Variants in PSKH2 observed in about 807,000 individuals in gnomAD.
PSKH2 encodes the protein serine/threonine-protein kinase H2.
A neutral mutation model predicts 22.5 loss-of-function variants in PSKH2; 16 were observed. The ratio of observed to expected loss-of-function variants is 0.71; its 90% CI spans 0.48 to 1.08. The LOEUF (loss-of-function observed/expected upper bound fraction) is 1.08, where lower values mean the gene tolerates loss of function less well. Ranked by LOEUF, PSKH2 falls within the 50% of genes least tolerant of loss-of-function variation. The pLI is 0.00. For missense variants in PSKH2, 516 were observed against 492.8 expected, an observed-to-expected ratio of 1.05 and a Z score of -0.44; for synonymous variants, 188 against 184.8, an observed-to-expected ratio of 1.02 and a Z score of -0.14.
chr8:86,069,101 G>T (rs1379486660), intron 1 of PSKH2, among the ~76,000 whole-genome samples: 1 of 152,154 alleles, frequency 6.6e-6, no homozygotes. Context: ...AAGAATGGGA[G>T]AAGCTTAGGG....
At chr8:86,067,482 T>G (rs911214317) in intron 1 of PSKH2, among the ~76,000 whole-genome samples, 1 of 150,736 alleles carries the variant, frequency 6.6e-6, no homozygotes, top group Non-Finnish European at 1.5e-5. Context: ...CTGGGAAGAA[T>G]GCCTTTATAA....
In PSKH2 at chr8:86,047,398, T is replaced by C. The variant is rs1012870202; in HGVS notation, c.*1064A>G. Among the ~76,000 whole-genome samples the C allele has an allele frequency of 3.9e-5, 6 of 152,122 alleles. No homozygotes were observed. The highest frequency in any genetic ancestry group is 2.6e-4 in the Admixed American group (4 of 15,278). ...ATCAGATATATAGCTGTTCCATCTA[T>C]ATAGCCTAAAAGAGAAAAATAAAAT... On this transcript the variant is annotated 3_prime_UTR_variant, in exon 3 of 3. Coordinates refer to ENST00000276616, the MANE Select transcript of PSKH2 (RefSeq NM_033126.3).
At chr8:86,058,666 C>A (rs894245695) in intron 2 of PSKH2, among the ~76,000 whole-genome samples, 1 of 151,966 alleles carries the variant, frequency 6.6e-6, no homozygotes, top group African/African-American at 2.4e-5. Context: ...TGAAATTAAT[C>A]GTAATTCTAA....
rs1396520864 is a variant in PSKH2 at position 86,047,924 on chromosome 8, A to C, written c.*538T>G. On this transcript the variant is annotated 3_prime_UTR_variant, in exon 3 of 3. Coordinates refer to ENST00000276616, the MANE Select transcript of PSKH2 (RefSeq NM_033126.3). ...CAATTAGACTAAAAGTTTCTGATAG[A>C]TTGAAATTATATCTTATAGTTCTTT... 1.3e-5 allele frequency among the ~76,000 whole-genome samples: 2 copies of C among 152,152 alleles called. No homozygotes were observed. The highest frequency in any genetic ancestry group is 2.4e-5 in the African/African-American group (1 of 41,450).
chr8:86,058,230 CT>C (rs1372761426), intron 2 of PSKH2, among the ~76,000 whole-genome samples: 1 of 152,130 alleles, frequency 6.6e-6, no homozygotes, highest in African/African-American at 2.4e-5. Context: ...TCTGCTGTAC[CT>C]GTCTACCCTG....
chr8:86,055,424 G>A (rs551644768), intron 2 of PSKH2, among the ~76,000 whole-genome samples: 9 of 152,316 alleles, frequency 5.9e-5, no homozygotes, highest in South Asian at 2.1e-4. Context: ...TTTAAGGCAA[G>A]TCAGAGAAGA....
intron 1 of PSKH2, 65 bp downstream of exon 1, chr8:86,069,373 G>A: frequency 7.0e-7 from 1 of 1,424,840 alleles, no homozygotes; most frequent in Non-Finnish European, 9.3e-7. Flanking sequence ...ACCTCGAGGC[G>A]GTCTTGGCCA....
chr8:86,060,140 C>T (rs1393856713), intron 2 of PSKH2, among the ~76,000 whole-genome samples: 2 of 152,194 alleles, frequency 1.3e-5, no homozygotes, highest in Non-Finnish European at 2.9e-5. Context: ...ACAAGACAGC[C>T]TTTGCTCACC....
At chr8:86,059,452 G>A (rs1244239474) in intron 2 of PSKH2, among the ~76,000 whole-genome samples, 2 of 152,098 alleles carry the variant, frequency 1.3e-5, no homozygotes, top group Non-Finnish European at 2.9e-5. Flanking sequence ...AGGCTCTAGG[G>A]GAAAATGCAT....
At chr8:86,057,618 C>A (rs536789663) in intron 2 of PSKH2, among the ~76,000 whole-genome samples, 1 of 152,090 alleles carries the variant, frequency 6.6e-6, no homozygotes, top group Non-Finnish European at 1.5e-5. Context: ...ATCTCTTGGC[C>A]TTATGATCCG....
At chr8:86,065,556 A>C (rs555318697) in intron 1 of PSKH2, among the ~76,000 whole-genome samples, 2 of 152,350 alleles carry the variant, frequency 1.3e-5, no homozygotes, top group East Asian at 3.9e-4. Flanking sequence ...ACAAACCTGC[A>C]CATCCTGCAC....
In PSKH2 at chr8:86,064,746, T is replaced by G. The variant is rs565549272; in HGVS notation, c.186-115A>C. 4.8e-6 allele frequency: 4 copies of G among 835,588 alleles called. No homozygotes were observed. In the African/African-American group the frequency reaches 6.9e-5, roughly 14 times the overall value. The allele number at this position is 835,588 out of a possible 1,614,324, so 51.8% of individuals were successfully genotyped here. ...CTTCTATTCCTCCCATCAGATTTAT[T>G]TGTTTATTATTACTTGTGTTTATTA... On this transcript the variant is annotated intron_variant, in intron 1 of 2. Transcript: ENST00000276616.
chr8:86,065,744 G>A (rs1041929976), intron 1 of PSKH2, among the ~76,000 whole-genome samples: 3 of 152,066 alleles, frequency 2.0e-5, no homozygotes, highest in Non-Finnish European at 4.4e-5. Flanking sequence ...AGGCCGAGGT[G>A]GGAAGACTGT....
intron 2 of PSKH2, among the ~76,000 whole-genome samples, chr8:86,050,103 C>T (rs1360667491): frequency 6.6e-6 from 1 of 152,184 alleles, no homozygotes; most frequent in Non-Finnish European, 1.5e-5. Flanking sequence ...ACAGCAATTG[C>T]ACATACTTTA....
chr8:86,053,508 G>A (rs1817661515), intron 2 of PSKH2, among the ~76,000 whole-genome samples: 2 of 152,150 alleles, frequency 1.3e-5, no homozygotes, highest in South Asian at 4.1e-4. Context: ...ATCCCATGGA[G>A]ATTGGTGGTG....
At chr8:86,049,542 G>A (rs930638260) in intron 2 of PSKH2, among the ~76,000 whole-genome samples, 3 of 150,564 alleles carry the variant, frequency 2.0e-5, no homozygotes, top group African/African-American at 7.4e-5. Flanking sequence ...CTGGGTGACA[G>A]AGTGAGACCC....
chr8:86,063,972 G>A lies in PSKH2; in HGVS notation c.845C>T (p.Thr282Ile). ...AAAATAATGCTCTCTTACCTCTCCTGTATAATTATATTTGCCTTTCAGAAT... is the reference window on the plus strand; with the variant it reads ...AAAATAATGCTCTCTTACCTCTCCTATATAATTATATTTGCCTTTCAGAAT... ...RKILKGKYNY[T>I]GEPWPSISHL... is the part of the protein sequence containing the mutation. Residue 282 changes from threonine (T) to isoleucine (I), a missense_variant, in exon 2 of 3, where the codon ACA becomes ATA. Transcript: ENST00000276616. 6.2e-7 allele frequency: 1 copy of A among 1,611,314 alleles called. No homozygotes were observed. Among genetic ancestry groups the A allele is most frequent in the Non-Finnish European group, 8.5e-7 (1 of 1,178,446 alleles).
At chr8:86,067,385 A>G (rs1002620612) in intron 1 of PSKH2, among the ~76,000 whole-genome samples, 3 of 151,248 alleles carry the variant, frequency 2.0e-5, no homozygotes, top group Non-Finnish European at 4.4e-5. Flanking sequence ...AGCAATAAAC[A>G]CTGAACAAAA....
chr8:86,063,649 T>C (rs558680414), intron 2 of PSKH2, among the ~76,000 whole-genome samples: 1 of 152,356 alleles, frequency 6.6e-6, no homozygotes, highest in African/African-American at 2.4e-5. Flanking sequence ...CTCATTTATC[T>C]ACTTGATTGT....
Sources: allele counts gnomAD v4.1 joint callset (sites outside exome capture counted in the v4.1 genomes callset), GRCh38; gene constraint gnomAD v4.1.1; transcripts MANE v1.5; gene names NCBI Gene and HGNC (gene_info 2026-07-23, HGNC 2026-07-21).